Variants in NDUFB6 observed in about 807,000 individuals in gnomAD.
NDUFB6 encodes NADH dehydrogenase [ubiquinone] 1 beta subcomplex subunit 6.
A neutral mutation model predicts 17.5 loss-of-function variants in NDUFB6; 23 were observed. The observed-to-expected ratio is 1.31, with a 90% confidence interval of 0.94 to 1.86. The LOEUF is 1.86. Among genes scored for constraint, NDUFB6 ranks in the 40% most tolerant of loss-of-function variants. The pLI, the probability that NDUFB6 is intolerant of heterozygous loss-of-function variation, is 0.00. For missense variants in NDUFB6, 167 were observed against 153.8 expected (o/e 1.09, Z -0.46); for synonymous variants, 60 against 53.5 (o/e 1.12, Z -0.53).
At chr9:32,567,573 C>A (rs779512277) in intron 2 of NDUFB6, 6 of 386,434 alleles carry the variant, frequency 1.6e-5, no homozygotes, top group South Asian at 1.2e-4. Context: ...GATTTGCCCA[C>A]CTCAGCCTCC....
intron 2 of NDUFB6, 97 bp from the exon 3 acceptor site, chr9:32,559,051 A>C: frequency 1.3e-6 from 1 of 747,894 alleles, no homozygotes; most frequent in South Asian, 1.9e-5. Context: ...TAAGCTCCAA[A>C]CTTTCACAGA....
intron 3 of NDUFB6, among the ~76,000 whole-genome samples, chr9:32,555,374 GC>G (rs1330527342): frequency 2.6e-5 from 4 of 152,212 alleles, no homozygotes; most frequent in African/African-American, 9.7e-5. Flanking sequence ...GAGGGACACA[GC>G]CCTATGGCAA....
At chr9:32,570,887 G>T in intron 2 of NDUFB6, 73 bp downstream of exon 2, 1 of 959,666 alleles carries the variant, frequency 1.0e-6, no homozygotes, top group Non-Finnish European at 1.5e-6. Context: ...TTTCCACTAA[G>T]TAGGGTAAGA....
intron 2 of NDUFB6, among the ~76,000 whole-genome samples, chr9:32,569,770 C>G (rs1256247999): frequency 6.6e-6 from 1 of 152,122 alleles, no homozygotes; most frequent in South Asian, 2.1e-4. Flanking sequence ...CCTACCTTGG[C>G]CTCTCAAAGT....
intron 2 of NDUFB6, chr9:32,566,889 A>T: frequency 3.4e-6 from 2 of 592,362 alleles, no homozygotes; most frequent in South Asian, 3.4e-5. Context: ...GCTGGCGAAA[A>T]GCACTGAGGA....
chr9:32,566,225 T>C (rs1821784752), intron 2 of NDUFB6: 2 of 879,436 alleles, frequency 2.3e-6, no homozygotes, highest in Admixed American at 1.7e-5. Flanking sequence ...TCATAGCTGG[T>C]TTTGTGGGTG....
intron 1 of NDUFB6, 89 bp from the exon 2 acceptor site, chr9:32,571,141 A>C (rs1037600945): frequency 2.3e-6 from 2 of 862,748 alleles, no homozygotes; most frequent in African/African-American, 3.5e-5. Flanking sequence ...TAACAATGCC[A>C]TGACTATTTT....
At chr9:32,563,229 G>C (rs143105628) in intron 2 of NDUFB6, among the ~76,000 whole-genome samples, 35 of 152,222 alleles carry the variant, frequency 2.3e-4, no homozygotes, top group Middle Eastern at 6.8e-3. Context: ...CTAAGGTGGC[G>C]TCTGCCAGAT....
intron 1 of NDUFB6, 23 bp downstream of exon 1, chr9:32,572,858 G>T (rs769923524): frequency 1.9e-5 from 29 of 1,536,680 alleles, no homozygotes; most frequent in Non-Finnish European, 2.3e-5. Context: ...TGTTGGGGGG[G>T]ACCGGAGAGG....
chr9:32,566,687 G>GT, intron 2 of NDUFB6: 2 of 822,996 alleles, frequency 2.4e-6, no homozygotes, highest in Non-Finnish European at 2.2e-6. Flanking sequence ...TTTCACAGCT[G>GT]TATCTCAGAT....
rs370872934 is a variant in NDUFB6, at chr9:32,570,123, T to C, written c.273+837A>G. On this transcript the variant is annotated intron_variant, in intron 2 of 3. Coordinates refer to ENST00000379847, the MANE Select transcript of NDUFB6 (RefSeq NM_002493.5). ...CTCACCTCATTCAGGTTCTGACATC[T>C]TGCTCTGAGTTACCACTTGCCTCAC... Among the ~76,000 whole-genome samples the C allele has an allele frequency of 2.6e-5, 4 of 152,292 alleles. No homozygotes were observed. In the East Asian group the frequency reaches 5.8e-4, roughly 22 times the overall value.
intron 2 of NDUFB6, among the ~76,000 whole-genome samples, chr9:32,562,267 T>C (rs954466425): frequency 7.9e-5 from 12 of 152,236 alleles, no homozygotes; most frequent in African/African-American, 1.9e-4. Context: ...TTGTATATTC[T>C]TTCTATAGCA....
chr9:32,566,272 C>G, intron 2 of NDUFB6: 1 of 1,145,188 alleles, frequency 8.7e-7, no homozygotes. Flanking sequence ...TTTAGGTTCT[C>G]TGAGGTAGAA....
Position 32,553,837 on chromosome 9 carries a change from A to C in NDUFB6, c.*39T>G, listed in dbSNP as rs747120335. 22 of 1,340,000 alleles carry C rather than the reference A, an allele frequency of 1.6e-5. No individual in the cohort carries two copies. The highest frequency in any genetic ancestry group is 2.3e-5 in the Non-Finnish European group (22 of 939,724). 83.0% of individuals were successfully genotyped at this position (1,340,000 alleles called of 1,614,324 possible). A position where few individuals can be genotyped will look rare whatever the true frequency, so the allele number is the denominator to read the frequency against. ...CAGTAAATATGGTAATATAGGAACA[A>C]ACTTAGGCTCATAAGCCTTTTAACT... On this transcript the variant is annotated 3_prime_UTR_variant, in exon 4 of 4. Transcript: ENST00000379847.
chr9:32,570,926 T>C lies in NDUFB6; in HGVS notation c.273+34A>G, dbSNP rs751371364. ...CCACAAAGAAAGTAATTTTGGACAA[T>C]ATTAAAAATGAATTCTGAAAAGGAC... is the stretch of plus-strand genomic sequence containing the variant. On this transcript the variant is annotated intron_variant, in intron 2 of 3. Coordinates refer to ENST00000379847, the MANE Select transcript of NDUFB6 (RefSeq NM_002493.5). The C allele has an allele frequency of 2.8e-6, 4 of 1,428,514 alleles. No homozygotes were observed. The Admixed American group carries it at 7.8e-5, about 28-fold the overall frequency. The allele number at this position is 1,428,514 out of a possible 1,614,324, so 88.5% of individuals were successfully genotyped here.
intron 2 of NDUFB6, chr9:32,568,099 A>G (rs529247401): frequency 6.0e-6 from 1 of 167,464 alleles, no homozygotes; most frequent in Non-Finnish European, 1.5e-5. Context: ...TAGGCAAAGA[A>G]AATGGAAAAT....
intron 2 of NDUFB6, chr9:32,568,440 T>C (rs376581175): frequency 2.9e-5 from 7 of 244,028 alleles, no homozygotes; most frequent in South Asian, 1.2e-4. Flanking sequence ...GCTATGAACA[T>C]TGTTGAAATG....
rs186421513 is a variant in NDUFB6 at position 32,558,365 on chromosome 9, C to T, written c.318+545G>A. On this transcript the variant is annotated intron_variant, in intron 3 of 3. Transcript: ENST00000379847. ...TGACCTCACGATCCACCCATCTTGG[C>T]CTCCCAAAGTGCTGGGATTACAGGC... 1.4e-4 allele frequency among the ~76,000 whole-genome samples: 22 copies of T among 152,290 alleles called. No homozygotes were observed. In the East Asian group the frequency reaches 3.7e-3, roughly 25 times the overall value.
Position 32,553,852 on chromosome 9 carries a change from G to A in NDUFB6, c.*24C>T, listed in dbSNP as rs745655886. 13 of 1,473,164 alleles carry A rather than the reference G, an allele frequency of 8.8e-6. No individual in the cohort carries two copies. The East Asian group carries it at 2.7e-4, about 31-fold the overall frequency. 91.3% of individuals were successfully genotyped at this position (1,473,164 alleles called of 1,614,324 possible). On this transcript the variant is annotated 3_prime_UTR_variant, in exon 4 of 4. Transcript: ENST00000379847. ...TATAGGAACAAACTTAGGCTCATAAGCCTTTTAACTTTTTACATAATCTTT... is the reference window on the plus strand; with the variant it reads ...TATAGGAACAAACTTAGGCTCATAAACCTTTTAACTTTTTACATAATCTTT...
Sources: allele counts gnomAD v4.1 joint callset (sites outside exome capture counted in the v4.1 genomes callset), GRCh38; gene constraint gnomAD v4.1.1; transcripts MANE v1.5; gene names NCBI Gene and HGNC (gene_info 2026-07-23, HGNC 2026-07-21).